Variants in LCOR observed in about 807,000 individuals in gnomAD.
LCOR encodes ligand-dependent corepressor.
In LCOR, 14 loss-of-function variants were observed where a neutral mutation model predicts 64.4. That is an observed-to-expected ratio of 0.22 (90% CI 0.14 to 0.34). LCOR has a LOEUF of 0.34. Ranked by LOEUF, LCOR falls within the 10% of genes least tolerant of loss-of-function variation. The pLI is 1.00. For synonymous variants in LCOR, 643 were observed against 642.5 expected, an observed-to-expected ratio of 1.00 and a Z score of -0.01; for missense variants, 1,686 against 1,765.3, an observed-to-expected ratio of 0.96 and a Z score of 0.80.
chr10:96,982,211 C>T lies in LCOR; in HGVS notation c.1751C>T (p.Pro584Leu). The T allele has an allele frequency of 6.2e-7, 1 of 1,614,122 alleles. No individual in the cohort carries two copies. Among genetic ancestry groups the T allele is most frequent in the Non-Finnish European group, 8.5e-7 (1 of 1,180,020 alleles). The change falls in exon 8 of 8, where the codon CCT becomes CTT. Residue 584 changes from proline (P) to leucine (L), a missense_variant. Pro to Leu is a moderately conservative substitution (Grantham distance 98). Transcript: ENST00000421806. ...GAGGAAGGAGGTGGAGACGTTTCAC[C>T]TCGAAAAGAACCTCAAGAGCCTGAG... Reference protein sequence around the residue: ...SHEEGGGDVSPRKEPQEPEVC... With the variant: ...SHEEGGGDVSLRKEPQEPEVC...
intron 2 of LCOR, among the ~76,000 whole-genome samples, chr10:96,902,880 T>G (rs1165666512): frequency 9.2e-5 from 14 of 152,122 alleles, no homozygotes; most frequent in Admixed American, 9.2e-4. Context: ...CCTTAGGCAG[T>G]TTCATCATTT....
intron 7 of LCOR, among the ~76,000 whole-genome samples, chr10:96,965,417 C>A (rs1252070534): frequency 6.6e-6 from 1 of 151,136 alleles, no homozygotes; most frequent in Admixed American, 6.6e-5. Flanking sequence ...AATCCCAGCA[C>A]TTTGGGAGGC....
chr10:96,839,348 A>G (rs935643779), intron 2 of LCOR, among the ~76,000 whole-genome samples: 4 of 152,238 alleles, frequency 2.6e-5, no homozygotes, highest in African/African-American at 9.6e-5. Context: ...CACTGTAACA[A>G]AAGCTAAACT....
chr10:96,869,845 G>C (rs1458931357), intron 2 of LCOR, among the ~76,000 whole-genome samples: 1 of 152,126 alleles, frequency 6.6e-6, no homozygotes, highest in Non-Finnish European at 1.5e-5. Flanking sequence ...AGAGTGCTGG[G>C]ATTACAGGCA....
chr10:96,971,845 A>G (rs1848001791), intron 7 of LCOR, among the ~76,000 whole-genome samples: 1 of 152,228 alleles, frequency 6.6e-6, no homozygotes, highest in East Asian at 1.9e-4. Flanking sequence ...TTGAGGTAGA[A>G]TATCTAGCAT....
At chr10:96,920,763 C>T in intron 4 of LCOR, among the ~76,000 whole-genome samples, 1 of 118,228 alleles carries the variant, frequency 8.5e-6, no homozygotes, top group African/African-American at 4.8e-5. Flanking sequence ...CACACACACA[C>T]ACACACACAC....
At position 96,982,663 on chromosome 10, in the gene LCOR, T is replaced by A. The variant is rs766078803; in HGVS notation, c.2203T>A (p.Ser735Thr). Residue 735 changes from serine (S) to threonine (T), a missense_variant, in exon 8 of 8, where the codon TCT becomes ACT. This residue lies in a region of LCOR where 1,293 missense variants were observed against 1,410.4 expected (regional missense o/e 0.92). Transcript: ENST00000421806. Reference sequence around the variant, plus strand: ...CCAAAGCATCAGTGCTGAGGTTGAGTCTGGAGACACCCAGGAGCTAAATGT... The same window carrying A: ...CCAAAGCATCAGTGCTGAGGTTGAGACTGGAGACACCCAGGAGCTAAATGT... ...DNQSISAEVE[S>T]GDTQELNVDP... 1 of 1,614,126 alleles carries A rather than the reference T, an allele frequency of 6.2e-7. No individual in the cohort carries two copies. Among genetic ancestry groups the A allele is most frequent in the East Asian group, 2.2e-5 (1 of 44,880 alleles).
At chr10:96,856,092 A>G (rs1845799417) in intron 2 of LCOR, among the ~76,000 whole-genome samples, 1 of 149,736 alleles carries the variant, frequency 6.7e-6, no homozygotes, top group Non-Finnish European at 1.5e-5. Context: ...TTTTTTTGAG[A>G]CGGAGTCTCG....
chr10:96,913,954 A>G (rs1326510135), intron 4 of LCOR, among the ~76,000 whole-genome samples: 2 of 152,114 alleles, frequency 1.3e-5, no homozygotes, highest in Non-Finnish European at 2.9e-5. Flanking sequence ...AAGAATATAT[A>G]AGTCTGGATG....
Position 96,874,641 on chromosome 10 carries a change from C to CT in LCOR, c.-329-32611dup, listed in dbSNP as rs35772302. ...TGTAGAGTACCCTATGACTAGAGTA[C>CT]TTTTTTTTTTTTTGAGACAGAGTTT... On this transcript the variant is annotated intron_variant, in intron 2 of 7. Transcript: ENST00000421806. Among the ~76,000 whole-genome samples, 334 of 145,060 alleles carry CT rather than the reference C, an allele frequency of 2.3e-3. 1 individual carries two copies. Among genetic ancestry groups the CT allele is most frequent in the African/African-American group, 3.1e-3 (125 of 39,806 alleles).
intron 2 of LCOR, among the ~76,000 whole-genome samples, chr10:96,901,412 A>C (rs747922969): frequency 2.6e-5 from 4 of 152,158 alleles, no homozygotes; most frequent in Non-Finnish European, 5.9e-5. Context: ...AAATTAAGTG[A>C]AATATTTTCC....
intron 7 of LCOR, chr10:96,962,009 T>A (rs1847889142): frequency 6.6e-6 from 1 of 152,114 alleles, no homozygotes; most frequent in African/African-American, 2.4e-5. Context: ...GCACTTTTTC[T>A]GTTACAACAC....
At chr10:96,853,959 G>C (rs1040487890) in intron 2 of LCOR, among the ~76,000 whole-genome samples, 7 of 152,094 alleles carry the variant, frequency 4.6e-5, no homozygotes, top group Non-Finnish European at 1.0e-4. Flanking sequence ...AGAACAGCAT[G>C]GGGGAAGCTG....
intron 2 of LCOR, among the ~76,000 whole-genome samples, chr10:96,879,664 T>G (rs1369811121): frequency 6.6e-6 from 1 of 152,180 alleles, no homozygotes; most frequent in Non-Finnish European, 1.5e-5. Flanking sequence ...TGTTTTGTTT[T>G]GTGTTTTTTT....
rs549826884 is a variant in LCOR at position 96,939,780 on chromosome 10, G to A, written c.-183-4333G>A. On this transcript the variant is annotated intron_variant, in intron 4 of 7. Transcript: ENST00000421806. ...AGATCGAGACCATCCTGGCCAACAC[G>A]GTGAAATCCCGTCTCTACTAAAAAT... 4.6e-5 allele frequency among the ~76,000 whole-genome samples: 7 copies of A among 152,290 alleles called. No homozygotes were observed. The South Asian group carries it at 6.2e-4, about 14-fold the overall frequency.
Position 96,944,062 on chromosome 10 carries a change from A to G in LCOR, c.-183-51A>G, listed in dbSNP as rs1053646364. ...CTTTGATTTCGTCTATGCTTTTGTT[A>G]TTGAATGGGGAAAGACGTGTGTGCA... On this transcript the variant is annotated intron_variant, in intron 4 of 7. Coordinates refer to ENST00000421806, the MANE Select transcript of LCOR (RefSeq NM_001346516.2). The G allele has an allele frequency of 4.1e-6, 4 of 982,370 alleles. No individual in the cohort carries two copies. In the African/African-American group the frequency reaches 5.2e-5, roughly 13 times the overall value. 60.9% of individuals were successfully genotyped at this position (982,370 alleles called of 1,614,324 possible). A position where few individuals can be genotyped will look rare whatever the true frequency, so the allele number is the denominator to read the frequency against.
chr10:96,989,695 A>ATATATATATATATATATATATTT lies in LCOR; in HGVS notation c.*4562_*4563insATATATATATATATATATATTTT, dbSNP rs1371771053. On this transcript the variant is annotated 3_prime_UTR_variant, in exon 8 of 8. Transcript: ENST00000421806. Reference sequence around the variant, plus strand: ...TAAGGATATATATATATATATATATATTTTTTTTTTTTTTTTTTTTTTTTA... The same window carrying ATATATATATATATATATATATTT: ...TAAGGATATATATATATATATATATATATATATATATATATATATATTTTTTTTTTTTTTTTTTTTTTTTTTTA... 1.2e-5 allele frequency: 1 copy of ATATATATATATATATATATATTT among 86,160 alleles called. No individual in the cohort carries two copies. The highest frequency in any genetic ancestry group is 6.2e-5 in the African/African-American group (1 of 16,170). 5.3% of individuals were successfully genotyped at this position (86,160 alleles called of 1,614,324 possible).
chr10:96,875,118 C>T (rs999344973), intron 2 of LCOR, among the ~76,000 whole-genome samples: 4 of 151,472 alleles, frequency 2.6e-5, no homozygotes, highest in African/African-American at 7.3e-5. Context: ...GGTGTGGTGG[C>T]TCACACCTGT....
chr10:96,918,845 C>T (rs1303705595), intron 4 of LCOR, among the ~76,000 whole-genome samples: 1 of 152,178 alleles, frequency 6.6e-6, no homozygotes, highest in African/African-American at 2.4e-5. Context: ...GATATGAAAG[C>T]ATTGTTTAAC....
Sources: allele counts gnomAD v4.1 joint callset (sites outside exome capture counted in the v4.1 genomes callset), GRCh38; gene constraint gnomAD v4.1.1; regional missense constraint gnomAD v4.1.1; transcripts MANE v1.5; gene names NCBI Gene and HGNC (gene_info 2026-07-23, HGNC 2026-07-21).